The following TRIP12 variants were observed in gnomAD, a reference collection of about 807,000 sequenced individuals.
TRIP12 encodes the protein E3 ubiquitin-protein ligase TRIP12.
A neutral mutation model predicts 244.2 loss-of-function variants in TRIP12; 25 were observed. That is an observed-to-expected ratio of 0.10 (90% CI 0.07 to 0.14). The LOEUF (loss-of-function observed/expected upper bound fraction) is 0.14, where lower values mean the gene tolerates loss of function less well. TRIP12 is among the 10% of genes least tolerant of loss of function. The pLI is 1.00. For synonymous variants in TRIP12, 905 were observed against 873.1 expected (o/e 1.04, Z -0.64); for missense variants, 1,677 against 2,486.4 (o/e 0.67, Z 6.92).
intron 1 of TRIP12, among the ~76,000 whole-genome samples, chr2:229,885,838 C>T (rs969216056): frequency 1.3e-5 from 2 of 152,072 alleles, no homozygotes; most frequent in Non-Finnish European, 2.9e-5. Flanking sequence ...AATTCTGCCT[C>T]TGCTGCTTGG....
chr2:229,807,650 C>T (rs1363860843), intron 17 of TRIP12, 58 bp downstream of exon 17: 1 of 1,599,730 alleles, frequency 6.3e-7, no homozygotes, highest in Non-Finnish European at 8.6e-7. Flanking sequence ...CCCATTCCAT[C>T]CCTACACCCA....
chr2:229,771,735 A>G (rs1208786092), intron 38 of TRIP12, 103 bp from the exon 39 acceptor site: 2 of 776,708 alleles, frequency 2.6e-6, no homozygotes, highest in East Asian at 2.7e-5. Flanking sequence ...ATCACTTTAT[A>G]AAGAACAAAC....
Position 229,852,176 on chromosome 2 carries a change from A to G in TRIP12, c.1027+6596T>C, listed in dbSNP as rs566328752. 2.0e-5 allele frequency among the ~76,000 whole-genome samples: 3 copies of G among 152,354 alleles called. No individual in the cohort carries two copies. In the East Asian group the frequency reaches 5.8e-4, roughly 29 times the overall value. Reference sequence around the variant, plus strand: ...GTAAGCTGTTAACTACTGCTATGTTACTAATAACGTGCACATGATGTCCAC... The same window carrying G: ...GTAAGCTGTTAACTACTGCTATGTTGCTAATAACGTGCACATGATGTCCAC... On this transcript the variant is annotated intron_variant, in intron 4 of 41. Coordinates refer to ENST00000675903, the MANE Select transcript of TRIP12 (RefSeq NM_001348323.3).
chr2:229,811,769 TAAA>T (rs1034810468), intron 13 of TRIP12, among the ~76,000 whole-genome samples: 35 of 152,304 alleles, frequency 2.3e-4, no homozygotes, highest in African/African-American at 8.4e-4. Context: ...ATAAGTGTCA[TAAA>T]AAGAAGGGAA....
rs371555662 is a variant in TRIP12 at position 229,785,964 on chromosome 2, A to C, written c.4996-109T>G. ...AAGAACAAGATCAACTCAATTGTTA[A>C]CACTTATTTCCTTAAACAGGTAACT... On this transcript the variant is annotated intron_variant, in intron 33 of 41. Coordinates refer to ENST00000675903, the MANE Select transcript of TRIP12 (RefSeq NM_001348323.3). 4.8e-5 allele frequency: 47 copies of C among 969,872 alleles called. No individual in the cohort carries two copies. In the South Asian group the frequency reaches 7.8e-4, roughly 16 times the overall value. 60.1% of individuals were successfully genotyped at this position (969,872 alleles called of 1,614,324 possible). A position where few individuals can be genotyped will look rare whatever the true frequency, so the allele number is the denominator to read the frequency against.
At chr2:229,901,346 C>T (rs1395316447) in intron 1 of TRIP12, among the ~76,000 whole-genome samples, 4 of 151,718 alleles carry the variant, frequency 2.6e-5, no homozygotes, top group African/African-American at 7.3e-5. Context: ...TTTGGCCAGG[C>T]GAGGTGGCTT....
intron 2 of TRIP12, among the ~76,000 whole-genome samples, chr2:229,878,511 T>A (rs2064097514): frequency 6.6e-6 from 1 of 151,806 alleles, no homozygotes; most frequent in African/African-American, 2.4e-5. Flanking sequence ...CCAAAGTCCC[T>A]ATGCTTAACC....
intron 15 of TRIP12, among the ~76,000 whole-genome samples, chr2:229,808,734 T>C (rs1370724291): frequency 6.6e-6 from 1 of 152,208 alleles, no homozygotes; most frequent in Non-Finnish European, 1.5e-5. Flanking sequence ...TGTACTTGTC[T>C]TCAATTCAAA....
Position 229,799,037 on chromosome 2 carries a change from G to C in TRIP12, c.3320C>G (p.Thr1107Ser). The change falls in exon 23 of 42, where the codon ACC (threonine) becomes AGC (serine). Residue 1107 changes from threonine to serine, a missense_variant. Coordinates refer to ENST00000675903, the MANE Select transcript of TRIP12 (RefSeq NM_001348323.3). ...DKVDNQAKSPTTTQSPKSSFL... is the reference protein window; with the variant it reads ...DKVDNQAKSPSTTQSPKSSFL... ...AGAAGATTTAGGTGACTGAGTAGTG[G>C]TGGGGCTTTTAGCTATGAAAAGAAA... 6.2e-7 allele frequency: 1 copy of C among 1,613,890 alleles called. No individual in the cohort carries two copies. The highest frequency in any genetic ancestry group is 8.5e-7 in the Non-Finnish European group (1 of 1,179,970).
At chr2:229,777,863 C>T (rs897467819) in intron 36 of TRIP12, among the ~76,000 whole-genome samples, 9 of 152,152 alleles carry the variant, frequency 5.9e-5, no homozygotes, top group African/African-American at 1.9e-4. Context: ...TGATAAAGTG[C>T]CTCCGAAAAC....
chr2:229,851,744 TG>T (rs1464233818), intron 4 of TRIP12, among the ~76,000 whole-genome samples: 1 of 151,430 alleles, frequency 6.6e-6, no homozygotes, highest in Non-Finnish European at 1.5e-5. Context: ...CCTTAAGAAC[TG>T]TAACACTCAC....
At chr2:229,860,300 AAT>A in intron 3 of TRIP12, 104 bp downstream of exon 3, 1 of 1,381,568 alleles carries the variant, frequency 7.2e-7, no homozygotes, top group South Asian at 1.5e-5. Context: ...GAATAATGAA[AAT>A]ATGTATCAAA....
At chr2:229,892,699 C>T (rs556370635) in intron 1 of TRIP12, among the ~76,000 whole-genome samples, 21 of 152,072 alleles carry the variant, frequency 1.4e-4, no homozygotes, top group African/African-American at 4.8e-4. Flanking sequence ...AACCCCTTCT[C>T]CACAAAAAAT....
At chr2:229,865,937 A>G (rs1336867470) in intron 2 of TRIP12, among the ~76,000 whole-genome samples, 1 of 152,226 alleles carries the variant, frequency 6.6e-6, no homozygotes, top group Non-Finnish European at 1.5e-5. Flanking sequence ...ATTTAAAGTA[A>G]AGCAGTATTT....
At chr2:229,786,913 C>A (rs1331418984) in intron 33 of TRIP12, among the ~76,000 whole-genome samples, 1 of 151,972 alleles carries the variant, frequency 6.6e-6, no homozygotes, top group Non-Finnish European at 1.5e-5. Flanking sequence ...CAGAAAAGAC[C>A]TAAGTAAAAA....
rs181900752 is a variant in TRIP12, at chr2:229,883,786, A to T, written c.-49-3658T>A. Among the ~76,000 whole-genome samples the T allele has an allele frequency of 5.9e-5, 9 of 152,378 alleles. No individual in the cohort carries two copies. The East Asian group carries it at 1.7e-3, about 29-fold the overall frequency. On this transcript the variant is annotated intron_variant, in intron 1 of 41. Transcript: ENST00000675903. Reference sequence around the variant, plus strand: ...TATACAACCAACTTATTCACTGTTTAAGTTAAATGACTTTTCATTTTATGT... The same window carrying T: ...TATACAACCAACTTATTCACTGTTTTAGTTAAATGACTTTTCATTTTATGT...
At chr2:229,802,049 T>G (rs2044517102) in intron 21 of TRIP12, among the ~76,000 whole-genome samples, 1 of 152,206 alleles carries the variant, frequency 6.6e-6, no homozygotes, top group Admixed American at 6.5e-5. Context: ...GGAATAAAAC[T>G]AATCTCTTAC....
chr2:229,795,671 A>G (rs561306884), intron 25 of TRIP12, among the ~76,000 whole-genome samples: 8 of 152,334 alleles, frequency 5.3e-5, no homozygotes, highest in Admixed American at 1.3e-4. Flanking sequence ...CTATAAAAAT[A>G]TTTAATGCAT....
chr2:229,888,157 C>G (rs370526113), intron 1 of TRIP12, among the ~76,000 whole-genome samples: 1 of 152,126 alleles, frequency 6.6e-6, no homozygotes, highest in Non-Finnish European at 1.5e-5. Context: ...ATGATTGTAG[C>G]AGCATTATCA....
Sources: allele counts gnomAD v4.1 joint callset (sites outside exome capture counted in the v4.1 genomes callset), GRCh38; gene constraint gnomAD v4.1.1; transcripts MANE v1.5; gene names NCBI Gene and HGNC (gene_info 2026-07-23, HGNC 2026-07-21).